The following CPNE4 variants were observed in gnomAD, a reference collection of about 807,000 sequenced individuals.
CPNE4 encodes the protein copine 4, also known as copine-4.
CPNE4 carries 25 observed loss-of-function variants against 67.9 expected under a neutral mutation model. The observed-to-expected ratio is 0.37, with a 90% CI of 0.27 to 0.51. The LOEUF is 0.51. Among genes scored for constraint, CPNE4 ranks in the 20% least tolerant of loss-of-function variants. The pLI, the probability that CPNE4 is intolerant of heterozygous loss-of-function variation, is 0.93. For missense variants in CPNE4, 464 were observed against 690.8 expected, an observed-to-expected ratio of 0.67 and a Z score of 3.68; for synonymous variants, 242 against 244.9, an observed-to-expected ratio of 0.99 and a Z score of 0.11.
Position 131,659,648 on chromosome 3 carries a change from A to AT in CPNE4, c.681+10026dup, listed in dbSNP as rs574442936. ...CAAAGACAGAGCATGACCATGGACA[A>AT]TTTTTTCAATAAAACAGTTTGGCCA... On this transcript the variant is annotated intron_variant, in intron 7 of 15. Coordinates refer to ENST00000429747, the MANE Select transcript of CPNE4 (RefSeq NM_130808.3). Among the ~76,000 whole-genome samples the AT allele has an allele frequency of 7.6e-4, 115 of 152,262 alleles. No homozygotes were observed. In the East Asian group the frequency reaches 0.018, roughly 23 times the overall value.
At chr3:131,708,991 T>TATATATATATAC (rs1174377236) in intron 3 of CPNE4, among the ~76,000 whole-genome samples, 1 of 99,818 alleles carries the variant, frequency 1.0e-5, no homozygotes, top group Non-Finnish European at 2.1e-5. Context: ...TATATATATA[T>TATATATATATAC]ATATACATAC....
chr3:131,980,968 G>A (rs2072890751), intron 1 of CPNE4, among the ~76,000 whole-genome samples: 1 of 152,030 alleles, frequency 6.6e-6, no homozygotes, highest in Non-Finnish European at 1.5e-5. Context: ...CTCTCTTCTG[G>A]GTCTAGCCAC....
intron 2 of CPNE4, among the ~76,000 whole-genome samples, chr3:131,880,421 G>T (rs1447046433): frequency 1.3e-5 from 2 of 152,120 alleles, no homozygotes; most frequent in Admixed American, 6.5e-5. Flanking sequence ...GCGGCATATG[G>T]TAGATATTTA....
chr3:131,693,730 C>T (rs2081084549), intron 5 of CPNE4, among the ~76,000 whole-genome samples: 1 of 151,982 alleles, frequency 6.6e-6, no homozygotes, highest in South Asian at 2.1e-4. Context: ...GCTGCCTGAC[C>T]TCCCCTCTTA....
chr3:131,708,949 G>T (rs2081483349), intron 3 of CPNE4, among the ~76,000 whole-genome samples: 1 of 59,014 alleles, frequency 1.7e-5, no homozygotes, highest in Non-Finnish European at 3.6e-5. Flanking sequence ...AGTGTCTGAG[G>T]GCATAAAGAT....
chr3:131,879,789 T>C (rs767719917), intron 2 of CPNE4, among the ~76,000 whole-genome samples: 1 of 152,202 alleles, frequency 6.6e-6, no homozygotes, highest in Non-Finnish European at 1.5e-5. Flanking sequence ...GCTTTGGAGA[T>C]TGGGAATTGG....
upstream of CPNE4, chr3:132,035,569 T>G (rs971283922): frequency 6.6e-6 from 1 of 152,328 alleles, no homozygotes; most frequent in African/African-American, 2.4e-5. Flanking sequence ...TAGGGAGTAC[T>G]TATGCTTAAA....
rs769896119 is a variant in CPNE4, at chr3:131,542,635, A to T, written c.1461T>A (p.Asp487Glu). 1.3e-5 allele frequency: 21 copies of T among 1,614,122 alleles called. No homozygotes were observed. In the Admixed American group the frequency reaches 3.5e-4, roughly 27 times the overall value. The change falls in exon 15 of 16, where the codon GAT becomes GAA. Residue 487 changes from aspartate to glutamate, a missense_variant. Asp to Glu is a conservative substitution (Grantham distance 45). Transcript: ENST00000429747. The stretch of plus-strand genomic sequence containing the variant: ...CTCCCTTGGGTGACCTCAGAATCCC[A>T]TCATCACCGTCCAGCATCTGCATGT... ...FSDMQMLDGD[D>E]GILRSPKGEP...
chr3:131,596,708 A>T (rs747857388), intron 7 of CPNE4, among the ~76,000 whole-genome samples: 1 of 151,840 alleles, frequency 6.6e-6, no homozygotes, highest in Non-Finnish European at 1.5e-5. Flanking sequence ...AATTAATTGA[A>T]AAGCCTTAAA....
intron 2 of CPNE4, among the ~76,000 whole-genome samples, chr3:131,728,755 A>G (rs1265628328): frequency 6.6e-6 from 1 of 151,982 alleles, no homozygotes; most frequent in Non-Finnish European, 1.5e-5. Flanking sequence ...CTTACAAAAA[A>G]AAAAATTAGC....
intron 6 of CPNE4, among the ~76,000 whole-genome samples, chr3:131,673,380 G>A (rs1193432351): frequency 6.6e-6 from 1 of 151,952 alleles, no homozygotes; most frequent in African/African-American, 2.4e-5. Flanking sequence ...GAATGTCATT[G>A]GTATTTTGAT....
chr3:131,631,400 C>T (rs2107778028), intron 7 of CPNE4, among the ~76,000 whole-genome samples: 1 of 152,270 alleles, frequency 6.6e-6, no homozygotes, highest in Admixed American at 6.5e-5. Context: ...GTACAGGGAA[C>T]TTCAGTAGGC....
intron 2 of CPNE4, among the ~76,000 whole-genome samples, chr3:131,798,297 C>A (rs2083976104): frequency 6.6e-6 from 1 of 152,098 alleles, no homozygotes; most frequent in Non-Finnish European, 1.5e-5. Flanking sequence ...TCTTCAGAGG[C>A]CTCACTCACA....
Position 131,542,581 on chromosome 3 carries a change from G to T in CPNE4, c.1515C>A (p.Phe505Leu). The T allele has an allele frequency of 6.2e-7, 1 of 1,613,930 alleles. No homozygotes were observed. The highest frequency in any genetic ancestry group is 8.5e-7 in the Non-Finnish European group (1 of 1,179,848). ...GEPVLRDIVQ[F>L]VPFRNFKHAS... ...CGTGTTTGAAGTTCCTGAAGGGCAC[G>T]AACTGGACGATGTCTCGAAGAACAG... Residue 505 changes from phenylalanine to leucine, a missense_variant, in exon 15 of 16, where the codon TTC becomes TTA. By Grantham distance (22) the Phe-to-Leu change is conservative. This residue lies in a region of CPNE4 where 201 missense variants were observed against 357.7 expected (regional missense o/e 0.56). Transcript: ENST00000429747.
rs1339811162 is a variant in CPNE4 at position 131,781,703 on chromosome 3, T to C, written c.181-58078A>G. 2.6e-5 allele frequency among the ~76,000 whole-genome samples: 4 copies of C among 152,310 alleles called. No individual in the cohort carries two copies. The East Asian group carries it at 7.7e-4, about 29-fold the overall frequency. On this transcript the variant is annotated intron_variant, in intron 2 of 15. Transcript: ENST00000429747. ...TTTGGGTTTATATGCCAGTGAGACC[T>C]GTATTAAATACACTATCTTACAAAC...
At chr3:131,581,763 G>C in intron 8 of CPNE4, 98 bp from the exon 9 acceptor site, 2 of 816,858 alleles carry the variant, frequency 2.4e-6, no homozygotes, top group South Asian at 2.8e-5. Context: ...AACTGAACTG[G>C]AGGGCTGACA....
intron 2 of CPNE4, among the ~76,000 whole-genome samples, chr3:131,861,715 G>A (rs956188283): frequency 1.2e-4 from 19 of 152,112 alleles, no homozygotes; most frequent in African/African-American, 4.1e-4. Flanking sequence ...TTACAGACAT[G>A]AGCCACCAAG....
chr3:131,551,026 G>A (rs73874117), intron 13 of CPNE4, among the ~76,000 whole-genome samples: 25,729 of 151,862 alleles, frequency 0.17, 2,403 homozygotes, highest in African/African-American at 0.26. Context: ...CTGTGTTATT[G>A]CTTGCCTTCC....
intron 2 of CPNE4, among the ~76,000 whole-genome samples, chr3:131,785,229 TTAAG>T (rs1287877969): frequency 6.6e-6 from 1 of 152,082 alleles, no homozygotes; most frequent in African/African-American, 2.4e-5. Context: ...CTTAGGGAGA[TTAAG>T]TAATTTAACT....
Sources: gnomAD v4.1 joint callset for allele counts (sites outside exome capture counted in the v4.1 genomes callset) on GRCh38, gnomAD v4.1.1 for gene constraint, gnomAD v4.1.1 regional missense constraint, MANE v1.5 for transcripts, NCBI Gene and HGNC (gene_info 2026-07-23, HGNC 2026-07-21) for gene names.